PDE10A: variants seen among roughly 807,000 people sequenced by gnomAD.
PDE10A encodes cAMP and cAMP-inhibited cGMP 3',5'-cyclic phosphodiesterase 10A.
A neutral mutation model predicts 97.7 loss-of-function variants in PDE10A; 39 were observed. That is an observed-to-expected ratio of 0.40 (90% confidence interval 0.31 to 0.52). The LOEUF (loss-of-function observed/expected upper bound fraction) is 0.52. Among genes scored for constraint, PDE10A ranks in the 20% least tolerant of loss-of-function variants. The probability of loss-of-function intolerance (pLI) is 0.56; values close to 1 mark genes in which losing one functional copy is unlikely to be tolerated. For missense variants in PDE10A, 731 were observed against 1,047.8 expected (o/e 0.70, Z 4.17); for synonymous variants, 371 against 376.8 (o/e 0.98, Z 0.18).
chr6:165,360,676 A>T (rs1479888742), intron 18 of PDE10A, among the ~76,000 whole-genome samples: 1 of 152,180 alleles, frequency 6.6e-6, no homozygotes, highest in African/African-American at 2.4e-5. Flanking sequence ...ACAAATCTCA[A>T]ATAACCGAGT....
chr6:165,434,510 G>T (rs567360678), intron 6 of PDE10A, among the ~76,000 whole-genome samples: 75 of 152,252 alleles, frequency 4.9e-4, no homozygotes, highest in Non-Finnish European at 8.4e-4. Context: ...GCTCCACTTT[G>T]TCTAGTTTCT....
chr6:165,575,562 C>T (rs1785261955), intron 1 of PDE10A, among the ~76,000 whole-genome samples: 1 of 152,146 alleles, frequency 6.6e-6, no homozygotes. Context: ...ACTCTCCTTG[C>T]CCCTTTTAAT....
At chr6:165,405,759 A>T (rs2128222935) in intron 13 of PDE10A, among the ~76,000 whole-genome samples, 1 of 152,316 alleles carries the variant, frequency 6.6e-6, no homozygotes, top group South Asian at 2.1e-4. Flanking sequence ...TGAGAACTCA[A>T]AAAGTAGGGA....
chr6:165,931,664 T>C (rs1439200701), intron 1 of PDE10A, among the ~76,000 whole-genome samples: 1 of 152,238 alleles, frequency 6.6e-6, no homozygotes, highest in Non-Finnish European at 1.5e-5. Flanking sequence ...GATATTTGTA[T>C]TCCTTGTCTC....
intron 1 of PDE10A, among the ~76,000 whole-genome samples, chr6:165,861,188 C>A (rs1247561341): frequency 6.6e-6 from 1 of 152,206 alleles, no homozygotes; most frequent in Non-Finnish European, 1.5e-5. Flanking sequence ...CTAATCAGCT[C>A]TGACTCCTGG....
At chr6:165,924,276 C>T (rs1782855536) in intron 1 of PDE10A, among the ~76,000 whole-genome samples, 1 of 152,080 alleles carries the variant, frequency 6.6e-6, no homozygotes, top group African/African-American at 2.4e-5. Context: ...CTCATGGTTT[C>T]CATTTTGGAT....
intron 1 of PDE10A, among the ~76,000 whole-genome samples, chr6:165,564,071 A>G (rs1332142848): frequency 6.6e-6 from 1 of 152,198 alleles, no homozygotes; most frequent in African/African-American, 2.4e-5. Context: ...TTAATAAAAA[A>G]TTGCTGAGCC....
rs531745597 is a variant in PDE10A at position 165,796,962 on chromosome 6, A to G, written c.-615+190567T>C. On this transcript the variant is annotated intron_variant, in intron 1 of 19. Coordinates refer to the PDE10A transcript ENST00000366882. The stretch of plus-strand genomic sequence containing the variant: ...TTCTTCTATCTCCTGTATTTCCTGT[A>G]TTCTGGAAGTTAGGTATAAATAGAA... 5.9e-5 allele frequency among the ~76,000 whole-genome samples: 9 copies of G among 152,270 alleles called. No homozygotes were observed. The East Asian group carries it at 1.7e-3, about 29-fold the overall frequency.
At chr6:165,609,998 GA>G (rs1282298147) in intron 1 of PDE10A, among the ~76,000 whole-genome samples, 1 of 152,124 alleles carries the variant, frequency 6.6e-6, no homozygotes, top group Admixed American at 6.5e-5. Context: ...CACAGAATTG[GA>G]AAAAACTGCT....
chr6:165,645,205 T>A (rs544920410), intron 1 of PDE10A, among the ~76,000 whole-genome samples: 1 of 152,270 alleles, frequency 6.6e-6, no homozygotes, highest in African/African-American at 2.4e-5. Context: ...AAAAGAAGCA[T>A]CTGGGAGTGC....
At chr6:165,543,633 GTA>G in intron 1 of PDE10A, 65 bp from the exon 2 acceptor site, 3 of 1,288,178 alleles carry the variant, frequency 2.3e-6, no homozygotes, top group Admixed American at 2.0e-5. Context: ...GAAAGGTATA[GTA>G]TCACAACACA....
chr6:165,739,936 T>C (rs1792676624), intron 1 of PDE10A, among the ~76,000 whole-genome samples: 1 of 152,180 alleles, frequency 6.6e-6, no homozygotes, highest in Non-Finnish European at 1.5e-5. Flanking sequence ...CATTAATAGT[T>C]ATTTATAAAA....
At chr6:165,814,364 C>T (rs1386183350) in intron 1 of PDE10A, among the ~76,000 whole-genome samples, 1 of 152,174 alleles carries the variant, frequency 6.6e-6, no homozygotes, top group Non-Finnish European at 1.5e-5. Context: ...CCTTGCTCCA[C>T]ACAGGGCCAT....
intron 1 of PDE10A, among the ~76,000 whole-genome samples, chr6:165,895,254 T>C (rs1051832288): frequency 6.6e-6 from 1 of 152,198 alleles, no homozygotes; most frequent in East Asian, 1.9e-4. Context: ...GGCTCCACTC[T>C]GATACATCTG....
At chr6:165,790,594 G>T (rs1271304795) in intron 1 of PDE10A, among the ~76,000 whole-genome samples, 3 of 152,122 alleles carry the variant, frequency 2.0e-5, no homozygotes, top group African/African-American at 7.2e-5. Flanking sequence ...CCAGAGACAT[G>T]GCTCATTCTG....
At chr6:165,924,642 T>C (rs1782872911) in intron 1 of PDE10A, among the ~76,000 whole-genome samples, 1 of 152,182 alleles carries the variant, frequency 6.6e-6, no homozygotes, top group Non-Finnish European at 1.5e-5. Context: ...CAGAGAATAC[T>C]AGTGGTGGGC....
intron 5 of PDE10A, among the ~76,000 whole-genome samples, chr6:165,438,466 G>A (rs1423108462): frequency 6.6e-6 from 1 of 152,212 alleles, no homozygotes; most frequent in Non-Finnish European, 1.5e-5. Flanking sequence ...GGGATTACAG[G>A]CGTGAGCCAC....
rs530787024 is a variant in PDE10A at position 165,702,469 on chromosome 6, CTG to C, written c.-614-158903_-614-158902del. On this transcript the variant is annotated intron_variant, in intron 1 of 19. Transcript: ENST00000366882. ...CAACCTGGAGAAGGAACAGCCTTAA[CTG>C]TGACAATCTTGTCCTTCCGAGGACA... Among the ~76,000 whole-genome samples, 16 of 152,312 alleles carry C rather than the reference CTG, an allele frequency of 1.1e-4. No individual in the cohort carries two copies. In the East Asian group the frequency reaches 2.7e-3, roughly 26 times the overall value.
intron 1 of PDE10A, among the ~76,000 whole-genome samples, chr6:165,867,309 GA>G (rs1781084082): frequency 1.3e-5 from 2 of 149,890 alleles, no homozygotes; most frequent in South Asian, 4.2e-4. Flanking sequence ...CACATAGACT[GA>G]AAGTGGAGGG....
Sources: allele counts gnomAD v4.1 joint callset (sites outside exome capture counted in the v4.1 genomes callset), GRCh38; gene constraint gnomAD v4.1.1; transcripts MANE v1.5; gene names NCBI Gene and HGNC (gene_info 2026-07-23, HGNC 2026-07-21).